EGFR: variants seen among roughly 807,000 people sequenced by gnomAD.
The protein encoded by EGFR is avian erythroblastic leukemia viral (v-erb-b) oncogene homolog.
A neutral mutation model predicts 143.0 loss-of-function variants in EGFR; 58 were observed. The observed-to-expected ratio is 0.41, with a 90% CI of 0.33 to 0.50. EGFR has a LOEUF of 0.50. Ranked by LOEUF, EGFR falls within the 20% of genes least tolerant of loss-of-function variation. The pLI, the probability that EGFR is intolerant of heterozygous loss-of-function variation, is 0.39. For missense variants in EGFR, 1,307 were observed against 1,579.0 expected, an observed-to-expected ratio of 0.83 and a Z score of 2.92; for synonymous variants, 613 against 594.4, an observed-to-expected ratio of 1.03 and a Z score of -0.45.
intron 1 of EGFR, among the ~76,000 whole-genome samples, chr7:55,093,199 C>T (rs1189980787): frequency 6.6e-6 from 1 of 152,218 alleles, no homozygotes; most frequent in Non-Finnish European, 1.5e-5. Context: ...CCTGTAAGCT[C>T]TTCCTGCTGG....
chr7:55,064,087 C>T (rs533336023), intron 1 of EGFR, among the ~76,000 whole-genome samples: 25 of 152,150 alleles, frequency 1.6e-4, no homozygotes, highest in African/African-American at 5.8e-4. Flanking sequence ...CTAAGAGAAC[C>T]TCTATTTTTG....
At position 55,201,161 on chromosome 7, in the gene EGFR, C is replaced by A. The variant is rs1236653587; in HGVS notation, c.2947-27C>A. On this transcript the variant is annotated intron_variant, in intron 24 of 27. Coordinates refer to ENST00000275493, the MANE Select transcript of EGFR (RefSeq NM_005228.5). ...TGGAATAGCATCTCTACGGGCCATTCTAATAGCCTCAAAATCTCTGCACCA... is the reference window on the plus strand; with the variant it reads ...TGGAATAGCATCTCTACGGGCCATTATAATAGCCTCAAAATCTCTGCACCA... 1.9e-6 allele frequency: 3 copies of A among 1,614,122 alleles called. No homozygotes were observed. The Admixed American group carries it at 5.0e-5, about 27-fold the overall frequency.
intron 1 of EGFR, among the ~76,000 whole-genome samples, chr7:55,041,321 G>T (rs939126198): frequency 2.0e-5 from 3 of 152,146 alleles, no homozygotes; most frequent in African/African-American, 7.2e-5. Flanking sequence ...GGAGGCAGGA[G>T]AATCTCTTGA....
intron 1 of EGFR, among the ~76,000 whole-genome samples, chr7:55,091,484 TG>T (rs34383437): frequency 1.3e-5 from 2 of 152,078 alleles, no homozygotes; most frequent in African/African-American, 4.8e-5. Context: ...ACAGTTGGGT[TG>T]GGGGTGGGGC....
At chr7:55,044,980 T>G (rs1308076196) in intron 1 of EGFR, among the ~76,000 whole-genome samples, 3 of 152,326 alleles carry the variant, frequency 2.0e-5, no homozygotes, top group East Asian at 1.9e-4. Context: ...AAAGTCCTGA[T>G]GCAGACATTC....
chr7:55,147,016 G>A (rs1200744006), intron 4 of EGFR, among the ~76,000 whole-genome samples: 1 of 152,182 alleles, frequency 6.6e-6, no homozygotes, highest in Non-Finnish European at 1.5e-5. Context: ...GAGAAGAGCT[G>A]CTGTTCATGG....
intron 2 of EGFR, among the ~76,000 whole-genome samples, chr7:55,142,924 A>T (rs1221726204): frequency 6.6e-6 from 1 of 152,230 alleles, no homozygotes; most frequent in Non-Finnish European, 1.5e-5. Context: ...GATGGGGTTT[A>T]CTTAGCCTTC....
At chr7:55,048,031 C>T (rs1011958646) in intron 1 of EGFR, among the ~76,000 whole-genome samples, 3 of 152,014 alleles carry the variant, frequency 2.0e-5, no homozygotes, top group Non-Finnish European at 4.4e-5. Flanking sequence ...CCACTTTCTA[C>T]ATCTTTTGTG....
chr7:55,181,642 G>A lies in EGFR; in HGVS notation c.2469+164G>A, dbSNP rs188168903. ...TGGATTCAATCAAGTTGATCTTCTT[G>A]TGCACAAATCAGTGCCTGTCCCATC... On this transcript the variant is annotated intron_variant, in intron 20 of 27. Transcript: ENST00000275493. The A allele has an allele frequency of 2.1e-5, 18 of 841,248 alleles. No individual in the cohort carries two copies. The African/African-American group carries it at 2.3e-4, about 11-fold the overall frequency. 52.1% of individuals were successfully genotyped at this position (841,248 alleles called of 1,614,324 possible). A position where few individuals can be genotyped will look rare whatever the true frequency, so the allele number is the denominator to read the frequency against.
At chr7:55,131,185 T>C (rs1793809398) in intron 1 of EGFR, among the ~76,000 whole-genome samples, 1 of 152,078 alleles carries the variant, frequency 6.6e-6, no homozygotes, top group Non-Finnish European at 1.5e-5. Flanking sequence ...TTCCAAACCA[T>C]GGACTCCACT....
chr7:55,059,590 T>C (rs1175795906), intron 1 of EGFR, among the ~76,000 whole-genome samples: 4 of 152,130 alleles, frequency 2.6e-5, no homozygotes. Flanking sequence ...AGTCGTCTCC[T>C]GGCCCTACAA....
intron 1 of EGFR, among the ~76,000 whole-genome samples, chr7:55,097,350 C>A (rs1390257479): frequency 6.6e-6 from 1 of 152,192 alleles, no homozygotes; most frequent in Non-Finnish European, 1.5e-5. Context: ...CAATAGTAAC[C>A]TCAGCTGATA....
chr7:55,096,146 C>T (rs1346341796), intron 1 of EGFR, among the ~76,000 whole-genome samples: 3 of 152,204 alleles, frequency 2.0e-5, no homozygotes, highest in Non-Finnish European at 2.9e-5. Context: ...AGTGAAGATT[C>T]GATTTGAGGT....
At chr7:55,116,401 C>T (rs1368741125) in intron 1 of EGFR, among the ~76,000 whole-genome samples, 1 of 152,216 alleles carries the variant, frequency 6.6e-6, no homozygotes, top group East Asian at 1.9e-4. Context: ...AAGAGCCTCA[C>T]CACAACTCCC....
At chr7:55,087,363 C>T (rs563212240) in intron 1 of EGFR, among the ~76,000 whole-genome samples, 3 of 147,598 alleles carry the variant, frequency 2.0e-5, no homozygotes, top group East Asian at 2.1e-4. Context: ...AACTGATCAA[C>T]ATCAGCAGTG....
At chr7:55,166,738 GTGA>G (rs1290446992) in intron 15 of EGFR, among the ~76,000 whole-genome samples, 1 of 131,534 alleles carries the variant, frequency 7.6e-6, no homozygotes, top group Non-Finnish European at 1.6e-5. Context: ...AATGGTGGTA[GTGA>G]TGATGGTGTT....
At chr7:55,137,454 A>T (rs1794208325) in intron 1 of EGFR, among the ~76,000 whole-genome samples, 1 of 152,206 alleles carries the variant, frequency 6.6e-6, no homozygotes, top group Non-Finnish European at 1.5e-5. Context: ...TATACACCCC[A>T]TAATAGCAGA....
rs770443325 is a variant in EGFR, at chr7:55,172,994, C to T, written c.1931C>T (p.Pro644Leu). The change falls in exon 17 of 28, where the codon CCG becomes CTG. Residue 644 changes from proline (P) to leucine (L), a missense_variant. Coordinates refer to ENST00000275493, the MANE Select transcript of EGFR (RefSeq NM_005228.5). ...EGCPTNGPKI[P>L]SIATGMVGAL... ...CCACCTCATTCCAGGCCTAAGATCC[C>T]GTCCATCGCCACTGGGATGGTGGGG... The T allele has an allele frequency of 1.4e-5, 23 of 1,614,076 alleles. No individual in the cohort carries two copies. The highest frequency in any genetic ancestry group is 2.2e-5 in the East Asian group (1 of 44,894).
intron 1 of EGFR, among the ~76,000 whole-genome samples, chr7:55,074,050 C>G (rs1301450239): frequency 6.6e-6 from 1 of 152,244 alleles, no homozygotes; most frequent in African/African-American, 2.4e-5. Flanking sequence ...AACAGCCTGA[C>G]GTTGTCAGGG....
Sources: allele counts gnomAD v4.1 joint callset (sites outside exome capture counted in the v4.1 genomes callset), GRCh38; gene constraint gnomAD v4.1.1; transcripts MANE v1.5; gene names NCBI Gene and HGNC (gene_info 2026-07-23, HGNC 2026-07-21).